ZNF280D: variants seen among roughly 807,000 people sequenced by gnomAD.
The protein encoded by ZNF280D is zinc finger protein 280D, also known as suppressor of hairy wing homolog 4.
ZNF280D carries 39 observed loss-of-function variants against 94.7 expected under a neutral mutation model. The ratio of observed to expected loss-of-function variants is 0.41; its 90% CI spans 0.32 to 0.54. ZNF280D has a LOEUF of 0.54. Ranked by LOEUF, ZNF280D falls within the 20% of genes least tolerant of loss-of-function variation. The probability of loss-of-function intolerance (pLI) is 0.22; values close to 1 mark genes in which losing one functional copy is unlikely to be tolerated. For synonymous variants in ZNF280D, 398 were observed against 377.6 expected (o/e 1.05, Z -0.63); for missense variants, 1,090 against 1,149.3 (o/e 0.95, Z 0.75).
At chr15:56,687,167 T>C (rs773233090) in intron 9 of ZNF280D, among the ~76,000 whole-genome samples, 36 of 152,162 alleles carry the variant, frequency 2.4e-4, no homozygotes, top group Non-Finnish European at 4.6e-4. Flanking sequence ...AAGATTTCCT[T>C]ATGATATAAA....
intron 19 of ZNF280D, chr15:56,653,756 T>C (rs2098635149): frequency 7.8e-7 from 1 of 1,278,072 alleles, no homozygotes; most frequent in African/African-American, 1.5e-5. Context: ...TGAAGGCAAG[T>C]ACAGCAGAGA....
At chr15:56,691,875 A>T (rs2056443222) in intron 7 of ZNF280D, among the ~76,000 whole-genome samples, 1 of 152,194 alleles carries the variant, frequency 6.6e-6, no homozygotes, top group Non-Finnish European at 1.5e-5. Flanking sequence ...GATGTGAAGA[A>T]TGAATGCATT....
intron 1 of ZNF280D, among the ~76,000 whole-genome samples, chr15:56,721,170 G>A (rs1186023114): frequency 3.3e-5 from 5 of 151,996 alleles, no homozygotes; most frequent in Non-Finnish European, 5.9e-5. Flanking sequence ...CACCATGTTA[G>A]CCAGGCTGGT....
chr15:56,712,026 T>C (rs2057785428), intron 1 of ZNF280D, among the ~76,000 whole-genome samples: 1 of 152,222 alleles, frequency 6.6e-6, no homozygotes, highest in South Asian at 2.1e-4. Context: ...CACCGTATTA[T>C]ATAATGCAGT....
In ZNF280D at chr15:56,688,854, A is replaced by G; in HGVS notation, c.780+187T>C. ...ATACATTATAATATATACAAATTTA[A>G]GTTTTAAAATTTGAGGATTTAGAAG... is the stretch of plus-strand genomic sequence containing the variant. On this transcript the variant is annotated intron_variant, in intron 9 of 21. Transcript: ENST00000267807. The G allele has an allele frequency of 7.7e-6, 3 of 389,258 alleles. No homozygotes were observed. The Admixed American group carries it at 1.3e-4, about 17-fold the overall frequency. 24.1% of individuals were successfully genotyped at this position (389,258 alleles called of 1,614,324 possible). A position where few individuals can be genotyped will look rare whatever the true frequency, so the allele number is the denominator to read the frequency against.
intron 6 of ZNF280D, among the ~76,000 whole-genome samples, chr15:56,694,470 G>GA (rs1241029235): frequency 6.6e-6 from 1 of 151,718 alleles, no homozygotes; most frequent in Non-Finnish European, 1.5e-5. Flanking sequence ...AAAATTAAAG[G>GA]AAAAAAGGCT....
intron 1 of ZNF280D, among the ~76,000 whole-genome samples, chr15:56,722,112 G>A (rs1487343133): frequency 6.6e-6 from 1 of 152,174 alleles, no homozygotes; most frequent in East Asian, 1.9e-4. Context: ...GGAAGAGCTG[G>A]CTGGTGGAGC....
At chr15:56,652,430 C>T (rs2053261539) in intron 19 of ZNF280D, 5 of 206,794 alleles carry the variant, frequency 2.4e-5, no homozygotes, top group Non-Finnish European at 3.4e-5. Context: ...GAGCAATGTT[C>T]CTATTTATAA....
intron 1 of ZNF280D, among the ~76,000 whole-genome samples, chr15:56,709,220 A>G (rs1335641044): frequency 6.6e-6 from 1 of 152,216 alleles, no homozygotes; most frequent in African/African-American, 2.4e-5. Context: ...ACACTTCTCA[A>G]AAGAAGACAT....
At chr15:56,711,815 G>C (rs867011100) in intron 1 of ZNF280D, among the ~76,000 whole-genome samples, 3 of 152,206 alleles carry the variant, frequency 2.0e-5, no homozygotes, top group Non-Finnish European at 2.9e-5. Context: ...TGATTTTGTA[G>C]TTGTGAGAAC....
chr15:56,719,886 T>C (rs1295980424), intron 1 of ZNF280D, among the ~76,000 whole-genome samples: 1 of 101,726 alleles, frequency 9.8e-6, no homozygotes. Context: ...ACTTTATTGC[T>C]AAAAAAAAAA....
chr15:56,667,437 G>T (rs2054370458), intron 14 of ZNF280D, among the ~76,000 whole-genome samples: 1 of 152,032 alleles, frequency 6.6e-6, no homozygotes, highest in African/African-American at 2.4e-5. Context: ...CTCTTTCCAG[G>T]GGCTCAGTGC....
chr15:56,656,842 G>A (rs1383901269), intron 17 of ZNF280D, among the ~76,000 whole-genome samples: 1 of 152,100 alleles, frequency 6.6e-6, no homozygotes, highest in African/African-American at 2.4e-5. Flanking sequence ...ACATAAACAG[G>A]AGATAGGGAA....
chr15:56,636,918 C>G (rs1242183209), intron 20 of ZNF280D, among the ~76,000 whole-genome samples: 1 of 152,102 alleles, frequency 6.6e-6, no homozygotes, highest in African/African-American at 2.4e-5. Flanking sequence ...CCGTGCCCAG[C>G]CTAAAAGTTA....
At chr15:56,686,825 T>C (rs1028426276) in intron 9 of ZNF280D, among the ~76,000 whole-genome samples, 6 of 117,524 alleles carry the variant, frequency 5.1e-5, no homozygotes, top group Non-Finnish European at 1.0e-4. Context: ...TATACAACAA[T>C]GAGAAAAAAT....
intron 20 of ZNF280D, among the ~76,000 whole-genome samples, chr15:56,641,138 ATT>A (rs1207017680): frequency 6.6e-6 from 1 of 151,910 alleles, no homozygotes. Context: ...TGCATTTCTC[ATT>A]TGTTTACTTT....
At chr15:56,637,089 C>T (rs2052390526) in intron 20 of ZNF280D, among the ~76,000 whole-genome samples, 1 of 152,108 alleles carries the variant, frequency 6.6e-6, no homozygotes, top group Non-Finnish European at 1.5e-5. Context: ...ACTCACTCCC[C>T]AACCTAGCAC....
At chr15:56,637,439 CCA>C (rs2052407589) in intron 20 of ZNF280D, among the ~76,000 whole-genome samples, 1 of 152,036 alleles carries the variant, frequency 6.6e-6, no homozygotes, top group East Asian at 1.9e-4. Flanking sequence ...CATTAGCTTC[CCA>C]AAGTGTTGGG....
At chr15:56,669,988 AT>A (rs1469803368) in intron 13 of ZNF280D, among the ~76,000 whole-genome samples, 1 of 2,090 alleles carries the variant, frequency 4.8e-4, no homozygotes, top group African/African-American at 1.1e-3. Context: ...TATATATTAT[AT>A]ATATATATTA....
Sources: allele counts gnomAD v4.1 joint callset (sites outside exome capture counted in the v4.1 genomes callset), GRCh38; gene constraint gnomAD v4.1.1; transcripts MANE v1.5; gene names NCBI Gene and HGNC (gene_info 2026-07-23, HGNC 2026-07-21).